The following ADAMTS17 variants were observed in gnomAD, a reference collection of about 807,000 sequenced individuals.
ADAMTS17 encodes A disintegrin and metalloproteinase with thrombospondin motifs 17.
A neutral mutation model predicts 141.5 loss-of-function variants in ADAMTS17; 113 were observed. The observed-to-expected ratio is 0.80, with a 90% confidence interval of 0.69 to 0.93. The LOEUF (loss-of-function observed/expected upper bound fraction) is 0.93, where lower values mean the gene tolerates loss of function less well. Among genes scored for constraint, ADAMTS17 ranks in the 40% least tolerant of loss-of-function variants. The pLI, the probability that ADAMTS17 is intolerant of heterozygous loss-of-function variation, is 0.00. For missense variants in ADAMTS17, 1,659 were observed against 1,517.9 expected, an observed-to-expected ratio of 1.09 and a Z score of -1.54; for synonymous variants, 768 against 630.6, an observed-to-expected ratio of 1.22 and a Z score of -3.27.
intron 8 of ADAMTS17, among the ~76,000 whole-genome samples, chr15:100,162,533 TTA>T (rs1230392993): frequency 1.8e-3 from 112 of 63,182 alleles, no homozygotes; most frequent in Non-Finnish European, 2.1e-3. Flanking sequence ...CATATACACA[TTA>T]TATGTGTATA....
At position 100,051,588 on chromosome 15, in the gene ADAMTS17, A is replaced by G. The variant is rs144009694; in HGVS notation, c.2439T>C (p.Ser813=). 1.0e-4 allele frequency: 165 copies of G among 1,613,700 alleles called. 1 individual carries two copies. Among genetic ancestry groups the G allele is most frequent in the Non-Finnish European group, 1.2e-4 (147 of 1,179,942 alleles). The part of the protein sequence containing the change: ...IWTHSGWEGC[S]VQCGGGERRT... ...GCCACTCACCTCCGCCGCACTGCAC[A>G]CTGCACCCTTCCCAGCCGCTGTGGG... The change falls in exon 17 of 22, where the codon AGT becomes AGC. Residue 813 remains serine (S), a synonymous_variant. Coordinates refer to ENST00000268070, the MANE Select transcript of ADAMTS17 (RefSeq NM_139057.4).
chr15:100,277,213 C>T (rs545892286), intron 4 of ADAMTS17, among the ~76,000 whole-genome samples: 1 of 152,074 alleles, frequency 6.6e-6, no homozygotes, highest in Non-Finnish European at 1.5e-5. Context: ...ACGTGTTAGC[C>T]CCGGGTCTGC....
At chr15:100,272,985 T>A (rs191043393) in intron 4 of ADAMTS17, among the ~76,000 whole-genome samples, 12 of 152,226 alleles carry the variant, frequency 7.9e-5, no homozygotes, top group Admixed American at 2.0e-4. Flanking sequence ...ATCAAGTATA[T>A]CACTTTTTTT....
rs531639837 is a variant in ADAMTS17 at position 100,004,489 on chromosome 15, C to T, written c.2592-6900G>A. Among the ~76,000 whole-genome samples, 4 of 152,164 alleles carry T rather than the reference C, an allele frequency of 2.6e-5. No homozygotes were observed. In the South Asian group the frequency reaches 8.3e-4, roughly 32 times the overall value. On this transcript the variant is annotated intron_variant, in intron 18 of 21. Coordinates refer to ENST00000268070, the MANE Select transcript of ADAMTS17 (RefSeq NM_139057.4). ...GGAAAGGAACTGTAGTTCCGTAAAACAATTTATATTCCAATTACATTGTAA... is the reference window on the plus strand; with the variant it reads ...GGAAAGGAACTGTAGTTCCGTAAAATAATTTATATTCCAATTACATTGTAA...
chr15:100,336,085 A>G (rs2046200277), intron 2 of ADAMTS17, among the ~76,000 whole-genome samples: 1 of 152,280 alleles, frequency 6.6e-6, no homozygotes, highest in African/African-American at 2.4e-5. Flanking sequence ...GCTTCACTTC[A>G]TCGTCCCATC....
intron 8 of ADAMTS17, among the ~76,000 whole-genome samples, chr15:100,184,223 T>A (rs1046408843): frequency 2.6e-5 from 4 of 152,158 alleles, no homozygotes; most frequent in Non-Finnish European, 5.9e-5. Flanking sequence ...CCCCAGTCCA[T>A]TGGCCAGGGA....
intron 18 of ADAMTS17, among the ~76,000 whole-genome samples, chr15:100,003,052 G>A (rs2060961549): frequency 6.6e-6 from 1 of 152,040 alleles, no homozygotes; most frequent in African/African-American, 2.4e-5. Flanking sequence ...ATCGCCAGAT[G>A]GACTGATAAA....
At chr15:100,210,468 T>C (rs964662077) in intron 7 of ADAMTS17, among the ~76,000 whole-genome samples, 27 of 152,150 alleles carry the variant, frequency 1.8e-4, no homozygotes, top group African/African-American at 6.0e-4. Flanking sequence ...CTCTGAGAAG[T>C]CAACAACTCA....
intron 8 of ADAMTS17, among the ~76,000 whole-genome samples, chr15:100,186,530 C>T (rs997007609): frequency 3.9e-5 from 6 of 152,228 alleles, no homozygotes; most frequent in African/African-American, 1.4e-4. Context: ...GATGAGCATA[C>T]TACCTATCTC....
chr15:100,261,733 T>C, intron 5 of ADAMTS17, 97 bp from the exon 6 acceptor site: 1 of 1,356,480 alleles, frequency 7.4e-7, no homozygotes, highest in Admixed American at 2.0e-5. Flanking sequence ...AGGCAGTCAC[T>C]CACTGAGACA....
chr15:100,080,524 G>A (rs1399967589), intron 15 of ADAMTS17, among the ~76,000 whole-genome samples: 1 of 152,088 alleles, frequency 6.6e-6, no homozygotes, highest in African/African-American at 2.4e-5. Flanking sequence ...GACCATTCAG[G>A]AATGAAGGTT....
rs538109021 is a variant in ADAMTS17 at position 100,290,878 on chromosome 15, C to T, written c.617-9477G>A. On this transcript the variant is annotated intron_variant, in intron 3 of 21. Transcript: ENST00000268070. ...ATGGATTAAATGCTTAAATGTAAAA[C>T]CTAAAACTATAAAAACTCTGGAAAA... 1.3e-4 allele frequency among the ~76,000 whole-genome samples: 20 copies of T among 152,230 alleles called. No individual in the cohort carries two copies. The South Asian group carries it at 4.2e-3, about 32-fold the overall frequency.
At chr15:100,044,009 C>T (rs2031481581) in intron 18 of ADAMTS17, among the ~76,000 whole-genome samples, 1 of 152,226 alleles carries the variant, frequency 6.6e-6, no homozygotes, top group South Asian at 2.1e-4. Flanking sequence ...TAGGTGTTTT[C>T]CTACATGATC....
intron 1 of ADAMTS17, 33 bp downstream of exon 1, chr15:100,341,788 C>G: frequency 6.5e-7 from 1 of 1,544,706 alleles, no homozygotes; most frequent in African/African-American, 1.4e-5. Context: ...CCGCAGGACG[C>G]GGGGTGAAGA....
chr15:100,160,842 C>T (rs948047430), intron 8 of ADAMTS17, among the ~76,000 whole-genome samples: 5 of 152,286 alleles, frequency 3.3e-5, no homozygotes, highest in African/African-American at 4.8e-5. Flanking sequence ...GTTTGATTAA[C>T]CAGCATTAGA....
At chr15:100,262,027 G>C (rs2043537875) in intron 5 of ADAMTS17, among the ~76,000 whole-genome samples, 1 of 152,168 alleles carries the variant, frequency 6.6e-6, no homozygotes, top group Non-Finnish European at 1.5e-5. Context: ...TGGGGTCGAA[G>C]CTCTAATGTA....
intron 8 of ADAMTS17, among the ~76,000 whole-genome samples, chr15:100,162,504 A>G (rs2039750719): frequency 9.0e-6 from 1 of 111,630 alleles, no homozygotes. Flanking sequence ...TATACACATT[A>G]TATGTGTATA....
intron 18 of ADAMTS17, among the ~76,000 whole-genome samples, chr15:100,048,517 A>G (rs796797010): frequency 7.3e-5 from 11 of 151,602 alleles, no homozygotes; most frequent in African/African-American, 2.4e-4. Context: ...TCAGACTCCA[A>G]TATTTGTTTC....
At chr15:100,144,375 C>G (rs567360082) in intron 10 of ADAMTS17, among the ~76,000 whole-genome samples, 1 of 152,156 alleles carries the variant, frequency 6.6e-6, no homozygotes, top group Non-Finnish European at 1.5e-5. Context: ...CATGGCAAAA[C>G]CCTGTCTCTA....
Sources: allele counts gnomAD v4.1 joint callset (sites outside exome capture counted in the v4.1 genomes callset), GRCh38; gene constraint gnomAD v4.1.1; transcripts MANE v1.5; gene names NCBI Gene and HGNC (gene_info 2026-07-23, HGNC 2026-07-21).